HMOX1: variants seen among roughly 807,000 people sequenced by gnomAD.
HMOX1 encodes heme oxygenase 1.
Under a neutral mutation model 27.8 loss-of-function variants are expected in HMOX1, and 22 were observed. The observed-to-expected ratio is 0.79, with a 90% CI of 0.57 to 1.13. The LOEUF (loss-of-function observed/expected upper bound fraction) is 1.13, where lower values mean the gene tolerates loss of function less well. Among genes scored for constraint, HMOX1 ranks in the 50% most tolerant of loss-of-function variants. The pLI is 0.00. For synonymous variants in HMOX1, 153 were observed against 151.6 expected, an observed-to-expected ratio of 1.01 and a Z score of -0.07; for missense variants, 379 against 377.7, an observed-to-expected ratio of 1.00 and a Z score of -0.03.
At chr22:35,383,083 C>T (rs745967121) in intron 1 of HMOX1, 23 bp from the exon 2 acceptor site, 8 of 1,612,458 alleles carry the variant, frequency 5.0e-6, no homozygotes, top group East Asian at 4.5e-5. Context: ...GCTTTGTGTT[C>T]ACCTTTCCCA....
In HMOX1 at chr22:35,381,139, G is replaced by A. The variant is rs772375970; in HGVS notation, c.-35G>A. On this transcript the variant is annotated 5_prime_UTR_variant, in exon 1 of 5. Coordinates refer to ENST00000216117, the MANE Select transcript of HMOX1 (RefSeq NM_002133.3). Reference sequence around the variant, plus strand: ...AGCGTCCTCAGCGCAGCCGCCGCCCGCGGAGCCAGCACGAACGAGCCCAGC... The same window carrying A: ...AGCGTCCTCAGCGCAGCCGCCGCCCACGGAGCCAGCACGAACGAGCCCAGC... The A allele has an allele frequency of 2.5e-5, 39 of 1,538,550 alleles. No homozygotes were observed. In the Middle Eastern group the frequency reaches 1.4e-3, roughly 54 times the overall value.
chr22:35,383,788 T>C (rs527334163), intron 2 of HMOX1, among the ~76,000 whole-genome samples: 3 of 152,282 alleles, frequency 2.0e-5, no homozygotes, highest in African/African-American at 7.2e-5. Context: ...GTTTTCCCCA[T>C]CTGTAAAAGA....
Position 35,393,720 on chromosome 22 carries a change from C to A in HMOX1, c.*122C>A. 1 of 1,150,520 alleles carries A rather than the reference C, an allele frequency of 8.7e-7. No homozygotes were observed. The highest frequency in any genetic ancestry group is 1.3e-6 in the Non-Finnish European group (1 of 765,366). 71.3% of individuals were successfully genotyped at this position (1,150,520 alleles called of 1,614,324 possible). A position where few individuals can be genotyped will look rare whatever the true frequency, so the allele number is the denominator to read the frequency against. On this transcript the variant is annotated 3_prime_UTR_variant, in exon 5 of 5. Transcript: ENST00000216117. ...CACTGAAGGCTTTCAGGGCCTCCAG[C>A]CCTCTCACTGTGTCCCTCTCTCTGG...
Position 35,391,757 on chromosome 22 carries a change from A to ATT in HMOX1, c.737-1698_737-1697dup, listed in dbSNP as rs36054326. Among the ~76,000 whole-genome samples the ATT allele has an allele frequency of 3.3e-3, 465 of 140,026 alleles. 1 individual carries two copies. Among genetic ancestry groups the ATT allele is most frequent in the African/African-American group, 0.011 (424 of 37,616 alleles). 91.9% of individuals were successfully genotyped at this position (140,026 alleles called of 152,430 possible). On this transcript the variant is annotated intron_variant, in intron 4 of 4. Transcript: ENST00000216117. ...TATAGGCACGTGCCACCACACCCAG[A>ATT]TTTTTTTTTTTTTTGGCTTTTTTTA...
rs1300886472 is a variant in HMOX1 at position 35,386,946 on chromosome 22, C to T, written c.406C>T (p.Arg136Cys). 4.3e-6 allele frequency: 7 copies of T among 1,614,080 alleles called. No individual in the cohort carries two copies. Among genetic ancestry groups the T allele is most frequent in the East Asian group, 2.2e-5 (1 of 44,886 alleles). Residue 136 changes from arginine to cysteine, a missense_variant, in exon 3 of 5, where the codon CGC becomes TGC. By Grantham distance (180) the Arg-to-Cys change is radical. Coordinates refer to ENST00000216117, the MANE Select transcript of HMOX1 (RefSeq NM_002133.3). ...GCTGCTGGTGGCCCACGCCTACACC[C>T]GCTACCTGGGTGACCTGTCTGGGGG... is the stretch of plus-strand genomic sequence containing the variant. ...PELLVAHAYT[R>C]YLGDLSGGQV... is the part of the protein sequence containing the mutation.
Position 35,393,742 on chromosome 22 carries a change from C to G in HMOX1, c.*144C>G, listed in dbSNP as rs886147364. Reference sequence around the variant, plus strand: ...CAGCCCTCTCACTGTGTCCCTCTCTCTGGAAAGGAGGAAGGAGCCTATGGC... The same window carrying G: ...CAGCCCTCTCACTGTGTCCCTCTCTGTGGAAAGGAGGAAGGAGCCTATGGC... On this transcript the variant is annotated 3_prime_UTR_variant, in exon 5 of 5. Transcript: ENST00000216117. 5 of 1,008,194 alleles carry G rather than the reference C, an allele frequency of 5.0e-6. No individual in the cohort carries two copies. The Admixed American group carries it at 7.4e-5, about 15-fold the overall frequency. 62.5% of individuals were successfully genotyped at this position (1,008,194 alleles called of 1,614,324 possible). A position where few individuals can be genotyped will look rare whatever the true frequency, so the allele number is the denominator to read the frequency against.
chr22:35,390,962 C>T (rs1468401249), intron 4 of HMOX1, among the ~76,000 whole-genome samples: 1 of 152,258 alleles, frequency 6.6e-6, no homozygotes, highest in Non-Finnish European at 1.5e-5. Flanking sequence ...AAGCCTAAAA[C>T]ACTGAGGGAG....
At position 35,386,803 on chromosome 22, in the gene HMOX1, C is replaced by A. The variant is rs146227657; in HGVS notation, c.263C>A (p.Ala88Asp). The change falls in exon 3 of 5, where the codon GCC becomes GAC. Residue 88 changes from alanine (A) to aspartate (D), a missense_variant. Transcript: ENST00000216117. The stretch of plus-strand genomic sequence containing the variant: ...CCAGAAGAGCTGCACCGCAAGGCTG[C>A]CCTGGAGCAGGACCTGGCCTTCTGG... ...YFPEELHRKA[A>D]LEQDLAFWYG... 77 of 1,614,248 alleles carry A rather than the reference C, an allele frequency of 4.8e-5. No individual in the cohort carries two copies. In the African/African-American group the frequency reaches 9.1e-4, roughly 19 times the overall value.
chr22:35,393,387 G>T (rs12160711), intron 4 of HMOX1, 81 bp from the exon 5 acceptor site: 5 of 1,576,104 alleles, frequency 3.2e-6, no homozygotes, highest in African/African-American at 1.3e-5. Flanking sequence ...CCCTGAGGCC[G>T]CTCTGCTTTG....
intron 4 of HMOX1, among the ~76,000 whole-genome samples, chr22:35,391,357 G>A (rs1176761840): frequency 6.6e-6 from 1 of 150,812 alleles, no homozygotes; most frequent in Non-Finnish European, 1.5e-5. Context: ...GCATGATCTC[G>A]GCTCACTGCA....
At chr22:35,393,420 C>G (rs1931773574) in intron 4 of HMOX1, 48 bp from the exon 5 acceptor site, 2 of 1,613,296 alleles carry the variant, frequency 1.2e-6, no homozygotes, top group South Asian at 1.1e-5. Context: ...ATCAGACACC[C>G]TGATGCACGC....
intron 4 of HMOX1, among the ~76,000 whole-genome samples, chr22:35,390,492 G>A (rs905344138): frequency 3.3e-5 from 5 of 152,094 alleles, no homozygotes; most frequent in East Asian, 1.9e-4. Flanking sequence ...GCCTCCCAAA[G>A]TGCTGAGATT....
chr22:35,393,608 T>C lies in HMOX1; in HGVS notation c.*10T>C. On this transcript the variant is annotated 3_prime_UTR_variant, in exon 5 of 5. Transcript: ENST00000216117. ...GCTTTATGCCATGTGAATGCAGGCA[T>C]GCTGGCTCCCAGGGCCATGAACTTT... 6.2e-7 allele frequency: 1 copy of C among 1,614,104 alleles called. No individual in the cohort carries two copies. The highest frequency in any genetic ancestry group is 8.5e-7 in the Non-Finnish European group (1 of 1,179,966).
At position 35,381,180 on chromosome 22, in the gene HMOX1, C is replaced by A; in HGVS notation, c.7C>A (p.Arg3Ser). 1.3e-6 allele frequency: 2 copies of A among 1,544,482 alleles called. No homozygotes were observed. Among genetic ancestry groups the A allele is most frequent in the African/African-American group, 2.7e-5 (2 of 73,670 alleles). The change falls in exon 1 of 5, where the codon CGT (arginine) becomes AGT (serine). Residue 3 changes from arginine to serine, a missense_variant. Arg to Ser is a moderately radical substitution (Grantham distance 110, BLOSUM62 -1). Coordinates refer to ENST00000216117, the MANE Select transcript of HMOX1 (RefSeq NM_002133.3). ME[R>S]PQPDSMPQDL... ...CGAGCCCAGCACCGGCCGGATGGAG[C>A]GTCCGCAACCCGACAGGCAAGCGCG...
At chr22:35,382,494 G>A (rs1474753103) in intron 1 of HMOX1, among the ~76,000 whole-genome samples, 3 of 150,870 alleles carry the variant, frequency 2.0e-5, no homozygotes, top group African/African-American at 4.9e-5. Context: ...TGGGATTACA[G>A]GCGCCCACTA....
At chr22:35,389,726 C>A in intron 3 of HMOX1, 138 bp from the exon 4 acceptor site, 1 of 709,500 alleles carries the variant, frequency 1.4e-6, no homozygotes, top group Non-Finnish European at 2.5e-6. Flanking sequence ...CAGGGGCGCA[C>A]CACCGTGTCC....
rs1569057535 is a variant in HMOX1, at chr22:35,389,381, TTCCTTC to T, written c.637-482_637-477del. ...CTTCCTTCCTTCCTTCCTTCCTTCC[TTCCTTC>T]CTTCCTTCCTTTCTTTCTTTCTTTC... On this transcript the variant is annotated intron_variant, in intron 3 of 4. Coordinates refer to ENST00000216117, the MANE Select transcript of HMOX1 (RefSeq NM_002133.3). Among the ~76,000 whole-genome samples, 35 of 71,898 alleles carry T rather than the reference TTCCTTC, an allele frequency of 4.9e-4. 5 individuals carry two copies. The highest frequency in any genetic ancestry group is 0.01 in the Middle Eastern group (2 of 200). The allele number at this position is 71,898 out of a possible 152,430, so 47.2% of individuals were successfully genotyped here. A position where few individuals can be genotyped will look rare whatever the true frequency, so the allele number is the denominator to read the frequency against.
rs1931790384 is a variant in HMOX1 at position 35,393,791 on chromosome 22, C to G, written c.*193C>G. 1 of 686,732 alleles carries G rather than the reference C, an allele frequency of 1.5e-6. No individual in the cohort carries two copies. The highest frequency in any genetic ancestry group is 1.5e-5 in the South Asian group (1 of 64,780). The allele number at this position is 686,732 out of a possible 1,614,324, so 42.5% of individuals were successfully genotyped here. A position where few individuals can be genotyped will look rare whatever the true frequency, so the allele number is the denominator to read the frequency against. On this transcript the variant is annotated 3_prime_UTR_variant, in exon 5 of 5. Coordinates refer to ENST00000216117, the MANE Select transcript of HMOX1 (RefSeq NM_002133.3). Reference sequence around the variant, plus strand: ...GCATCTTCCCCAACGAAAAGCACATCCAGGCAATGGCCTAAACTTCAGAGG... The same window carrying G: ...GCATCTTCCCCAACGAAAAGCACATGCAGGCAATGGCCTAAACTTCAGAGG...
At chr22:35,384,303 C>T (rs566738292) in intron 2 of HMOX1, among the ~76,000 whole-genome samples, 13 of 152,096 alleles carry the variant, frequency 8.5e-5, no homozygotes, top group African/African-American at 3.1e-4. Context: ...AGGCTGGTCT[C>T]GAACTCCTGA....
Sources: gnomAD v4.1 joint callset for allele counts (sites outside exome capture counted in the v4.1 genomes callset) on GRCh38, gnomAD v4.1.1 for gene constraint, MANE v1.5 for transcripts, NCBI Gene and HGNC (gene_info 2026-07-23, HGNC 2026-07-21) for gene names.